CACNA1D: variants seen among roughly 807,000 people sequenced by gnomAD.
CACNA1D encodes calcium voltage-gated channel subunit alpha1 D.
A neutral mutation model predicts 257.1 loss-of-function variants in CACNA1D; 55 were observed. The ratio of observed to expected loss-of-function variants is 0.21; its 90% CI spans 0.17 to 0.27. The LOEUF is 0.27. Ranked by LOEUF, CACNA1D falls within the 10% of genes least tolerant of loss-of-function variation. The pLI, the probability that CACNA1D is intolerant of heterozygous loss-of-function variation, is 1.00. For synonymous variants in CACNA1D, 980 were observed against 1,014.9 expected (o/e 0.97, Z 0.65); for missense variants, 1,876 against 2,784.0 (o/e 0.67, Z 7.34).
chr3:53,571,292 G>A (rs2092938531), intron 3 of CACNA1D, among the ~76,000 whole-genome samples: 1 of 152,154 alleles, frequency 6.6e-6, no homozygotes, highest in South Asian at 2.1e-4. Flanking sequence ...GGATAATTAT[G>A]GAAGAGAAGG....
At chr3:53,752,004 G>A in intron 28 of CACNA1D, 97 bp downstream of exon 28, 1 of 1,255,692 alleles carries the variant, frequency 8.0e-7, no homozygotes, top group East Asian at 2.3e-5. Flanking sequence ...CACAGGAGGG[G>A]TTTGATTTTT....
intron 32 of CACNA1D, 59 bp from the exon 33 acceptor site, chr3:53,772,774 T>G: frequency 7.8e-7 from 1 of 1,286,158 alleles, no homozygotes; most frequent in Non-Finnish European, 1.1e-6. Flanking sequence ...TCTCAGGCTG[T>G]GGCGGGCCGT....
intron 29 of CACNA1D, among the ~76,000 whole-genome samples, chr3:53,760,438 A>G (rs893504704): frequency 6.6e-6 from 1 of 152,224 alleles, no homozygotes; most frequent in African/African-American, 2.4e-5. Context: ...ACCCCGTTGT[A>G]AACAGGCTGG....
chr3:53,747,113 G>A (rs546162378), intron 25 of CACNA1D, among the ~76,000 whole-genome samples, 189 bp from the exon 26 acceptor site: 40 of 152,330 alleles, frequency 2.6e-4, no homozygotes, highest in Non-Finnish European at 5.7e-4. Flanking sequence ...GGTTATTTGA[G>A]CCGCGAAGTA....
At chr3:53,768,582 C>T (rs921763089) in intron 30 of CACNA1D, among the ~76,000 whole-genome samples, 1 of 152,318 alleles carries the variant, frequency 6.6e-6, no homozygotes, top group East Asian at 1.9e-4. Flanking sequence ...ATAAAAATAG[C>T]AATCCTGGGT....
At chr3:53,660,777 T>TG (rs1367042578) in intron 5 of CACNA1D, among the ~76,000 whole-genome samples, 1 of 151,982 alleles carries the variant, frequency 6.6e-6, no homozygotes, top group Non-Finnish European at 1.5e-5. Flanking sequence ...TACCCAGCTC[T>TG]GGGGGAAGGG....
chr3:53,730,990 G>A, intron 16 of CACNA1D, 87 bp from the exon 17 acceptor site: 1 of 816,802 alleles, frequency 1.2e-6, no homozygotes, highest in East Asian at 2.6e-5. Context: ...CTTCATTGGA[G>A]CATTATTGAT....
intron 10 of CACNA1D, among the ~76,000 whole-genome samples, chr3:53,719,409 T>G (rs930522037): frequency 2.6e-5 from 4 of 152,208 alleles, no homozygotes; most frequent in African/African-American, 9.6e-5. Flanking sequence ...CCTAGTGCAG[T>G]GCTCCCTCTG....
At chr3:53,524,357 T>C (rs1337530511) in intron 3 of CACNA1D, among the ~76,000 whole-genome samples, 1 of 152,228 alleles carries the variant, frequency 6.6e-6, no homozygotes, top group Non-Finnish European at 1.5e-5. Context: ...ACAGTGGAAC[T>C]TTTTTGCTGT....
intron 5 of CACNA1D, among the ~76,000 whole-genome samples, chr3:53,661,516 A>G (rs2094203574): frequency 6.6e-6 from 1 of 152,264 alleles, no homozygotes; most frequent in African/African-American, 2.4e-5. Flanking sequence ...TGTTAAGTGT[A>G]ACACGATTAA....
At chr3:53,623,976 T>G (rs1488502799) in intron 3 of CACNA1D, among the ~76,000 whole-genome samples, 1 of 152,212 alleles carries the variant, frequency 6.6e-6, no homozygotes, top group Non-Finnish European at 1.5e-5. Flanking sequence ...AGTTCTGGCT[T>G]TTCAACAGAG....
intron 9 of CACNA1D, among the ~76,000 whole-genome samples, chr3:53,714,046 T>G (rs944694941): frequency 4.6e-5 from 7 of 152,326 alleles, no homozygotes; most frequent in Non-Finnish European, 7.3e-5. Flanking sequence ...CAGCATCCTC[T>G]CACAGGTCAC....
At chr3:53,582,109 A>G (rs1168214729) in intron 3 of CACNA1D, among the ~76,000 whole-genome samples, 4 of 152,024 alleles carry the variant, frequency 2.6e-5, no homozygotes, top group Non-Finnish European at 4.4e-5. Context: ...GTTGGAATAT[A>G]CCAACCCTGT....
chr3:53,695,898 G>C (rs148407796), intron 8 of CACNA1D, among the ~76,000 whole-genome samples: 1 of 152,074 alleles, frequency 6.6e-6, no homozygotes, highest in Non-Finnish European at 1.5e-5. Context: ...AGCAATCCAG[G>C]TTCCTTAGTT....
At chr3:53,806,094 C>T (rs1279364420) in intron 45 of CACNA1D, among the ~76,000 whole-genome samples, 1 of 147,080 alleles carries the variant, frequency 6.8e-6, no homozygotes, top group African/African-American at 2.5e-5. Context: ...TCATCTTCCT[C>T]CTCCTTCGTC....
At chr3:53,520,992 C>A (rs548158753) in intron 3 of CACNA1D, among the ~76,000 whole-genome samples, 4 of 145,382 alleles carry the variant, frequency 2.8e-5, no homozygotes, top group African/African-American at 1.0e-4. Flanking sequence ...TTTTCCTTTT[C>A]TTTCTTTCTT....
At chr3:53,753,014 C>T (rs1374317103) in intron 28 of CACNA1D, among the ~76,000 whole-genome samples, 4 of 152,218 alleles carry the variant, frequency 2.6e-5, no homozygotes, top group Non-Finnish European at 4.4e-5. Flanking sequence ...TTTGCACTGA[C>T]TTTAAGAACT....
At chr3:53,735,947 A>C (rs2095053245) in intron 20 of CACNA1D, among the ~76,000 whole-genome samples, 1 of 152,222 alleles carries the variant, frequency 6.6e-6, no homozygotes, top group Non-Finnish European at 1.5e-5. Flanking sequence ...CAAGATGCCT[A>C]TGTCGTGTAG....
chr3:53,711,723 C>T lies in CACNA1D; in HGVS notation c.1391-6578C>T, dbSNP rs564561113. Among the ~76,000 whole-genome samples, 17 of 152,304 alleles carry T rather than the reference C, an allele frequency of 1.1e-4. No homozygotes were observed. In the East Asian group the frequency reaches 3.1e-3, roughly 28 times the overall value. ...TTATGGGACGCAGATGGGAACAACC[C>T]GTGGATATCTGAAGAGGGTTATATT... On this transcript the variant is annotated intron_variant, in intron 9 of 47. Coordinates refer to ENST00000350061, the MANE Select transcript of CACNA1D (RefSeq NM_001128840.3).
Sources: allele counts gnomAD v4.1 joint callset (sites outside exome capture counted in the v4.1 genomes callset), GRCh38; gene constraint gnomAD v4.1.1; transcripts MANE v1.5; gene names NCBI Gene and HGNC (gene_info 2026-07-23, HGNC 2026-07-21).